RHCG: variants seen among roughly 807,000 people sequenced by gnomAD.
RHCG encodes the protein ammonium transporter Rh type C.
RHCG carries 39 observed loss-of-function variants against 55.3 expected under a neutral mutation model. The observed-to-expected ratio is 0.70, with a 90% confidence interval of 0.55 to 0.92. The LOEUF is 0.92. RHCG is among the 40% of genes least tolerant of loss of function. The probability of loss-of-function intolerance (pLI) is 0.00; values close to 1 mark genes in which losing one functional copy is unlikely to be tolerated. For synonymous variants in RHCG, 250 were observed against 246.8 expected, an observed-to-expected ratio of 1.01 and a Z score of -0.12; for missense variants, 635 against 627.9, an observed-to-expected ratio of 1.01 and a Z score of -0.12.
At position 89,477,528 on chromosome 15, in the gene RHCG, A is replaced by G; in HGVS notation, c.1101T>C (p.Tyr367=). The change falls in exon 7 of 11, where the codon TAT becomes TAC. Residue 367 remains tyrosine (Y), a synonymous_variant. Transcript: ENST00000268122. This position sits in a 1 kb window ranked among gnomAD's most constrained non-coding sequence, Gnocchi z 4.5. ...TCCTCCACATTTACCCTTCTTTTCC[A>G]TAGACTTCAAGGCTGGCGGAGGCCG... ...VTAASASLEV[Y]GKEGLVHSFD... 1 of 1,614,064 alleles carries G rather than the reference A, an allele frequency of 6.2e-7. No homozygotes were observed. The highest frequency in any genetic ancestry group is 8.5e-7 in the Non-Finnish European group (1 of 1,180,012).
At position 89,477,515 on chromosome 15, in the gene RHCG, A is replaced by G; in HGVS notation, c.1112+2T>C. 2 of 1,613,868 alleles carry G rather than the reference A, an allele frequency of 1.2e-6. No homozygotes were observed. Among genetic ancestry groups the G allele is most frequent in the Non-Finnish European group, 1.7e-6 (2 of 1,179,942 alleles). On this transcript the variant is annotated splice_donor_variant, in intron 7 of 10. Coordinates refer to ENST00000268122, the MANE Select transcript of RHCG (RefSeq NM_016321.3). LOFTEE classifies it high-confidence loss of function. This position sits in a 1 kb window ranked among gnomAD's most constrained non-coding sequence, Gnocchi z 4.5. ...ATCCCACCGCACCTCCTCCACATTTACCCTTCTTTTCCATAGACTTCAAGG... is the reference window on the plus strand; with the variant it reads ...ATCCCACCGCACCTCCTCCACATTTGCCCTTCTTTTCCATAGACTTCAAGG...
Position 89,475,032 on chromosome 15 carries a change from G to GCCTT in RHCG, c.1311+1719_1311+1722dup, listed in dbSNP as rs145149182. ...TGCCCGCCTTCCTTCCTTCCTGCCC[G>GCCTT]CCTTCCTTCCTGCCCGCCTTCCTTC... On this transcript the variant is annotated intron_variant, in intron 9 of 10. Coordinates refer to ENST00000268122, the MANE Select transcript of RHCG (RefSeq NM_016321.3). Among the ~76,000 whole-genome samples the GCCTT allele has an allele frequency of 2.1e-3, 168 of 80,508 alleles. 39 individuals carry two copies. Among genetic ancestry groups the GCCTT allele is most frequent in the African/African-American group, 0.012 (138 of 11,334 alleles). 52.8% of individuals were successfully genotyped at this position (80,508 alleles called of 152,430 possible). A position where few individuals can be genotyped will look rare whatever the true frequency, so the allele number is the denominator to read the frequency against.
chr15:89,496,449 G>T lies in RHCG; in HGVS notation c.96C>A (p.Tyr32Ter). The change falls in exon 1 of 11, where the codon TAC becomes TAA. Residue 32 changes from tyrosine (Y) to a stop codon, truncating the protein, a stop_gained. Transcript: ENST00000268122. LOFTEE classifies it high-confidence loss of function. The stretch of plus-strand genomic sequence containing the variant: ...ACCAGTGGGCGTCGGCCTCGAAGTC[G>T]TAGCGCACGAACACCCCGAAGAGAA... ...MVILFGVFVR[Y>*]DFEADAHWWS... 6.2e-7 allele frequency: 1 copy of T among 1,614,028 alleles called. No homozygotes were observed. Among genetic ancestry groups the T allele is most frequent in the Non-Finnish European group, 8.5e-7 (1 of 1,179,960 alleles).
rs761108230 is a variant in RHCG, at chr15:89,479,318, T to A, written c.837+4A>T. The A allele has an allele frequency of 6.2e-7, 1 of 1,612,028 alleles. No individual in the cohort carries two copies. Among genetic ancestry groups the A allele is most frequent in the South Asian group, 1.1e-5 (1 of 90,830 alleles). On this transcript the variant is annotated splice_donor_region_variant and intron_variant, in intron 5 of 10. Transcript: ENST00000268122. ...AGCCACACCCCCAACGCCCTCATGCTCACCATGTCCAGCTTGCCCTTCTTG... is the reference window on the plus strand; with the variant it reads ...AGCCACACCCCCAACGCCCTCATGCACACCATGTCCAGCTTGCCCTTCTTG...
Position 89,475,194 on chromosome 15 carries a change from CTTCCTTCT to C in RHCG, c.1311+1553_1311+1560del, listed in dbSNP as rs1961124925. Among the ~76,000 whole-genome samples, 8 of 98,942 alleles carry C rather than the reference CTTCCTTCT, an allele frequency of 8.1e-5. 1 individual carries two copies. Among genetic ancestry groups the C allele is most frequent in the Admixed American group, 2.0e-4 (2 of 9,840 alleles). The allele number at this position is 98,942 out of a possible 152,430, so 64.9% of individuals were successfully genotyped here. ...CCTGCCTTCCTGCCTGCCTGCCTTC[CTTCCTTCT>C]TTCCTTCCTTCCTTCCTTTTTCCTT... On this transcript the variant is annotated intron_variant, in intron 9 of 10. Transcript: ENST00000268122.
intron 1 of RHCG, among the ~76,000 whole-genome samples, chr15:89,489,324 A>C (rs902586919): frequency 1.3e-5 from 2 of 151,646 alleles, no homozygotes; most frequent in African/African-American, 4.9e-5. Flanking sequence ...GGATTTTGCT[A>C]TGTGGGCCAG....
At chr15:89,486,404 G>A (rs895092258) in intron 2 of RHCG, 7 of 456,608 alleles carry the variant, frequency 1.5e-5, no homozygotes, top group African/African-American at 1.0e-4. Flanking sequence ...CGATTTTGAT[G>A]TGCCGGGCCC....
intron 1 of RHCG, among the ~76,000 whole-genome samples, chr15:89,492,108 C>A (rs768065147): frequency 5.3e-5 from 8 of 152,232 alleles, no homozygotes; most frequent in Non-Finnish European, 8.8e-5. Context: ...TCTCCCTCCC[C>A]AGCTTTGGTG....
intron 10 of RHCG, among the ~76,000 whole-genome samples, chr15:89,472,177 T>C (rs547437354): frequency 6.6e-6 from 1 of 152,330 alleles, no homozygotes; most frequent in South Asian, 2.1e-4. Context: ...TGCTCATCTA[T>C]TAAAATGAGG....
At chr15:89,479,195 A>G in intron 5 of RHCG, 127 bp downstream of exon 5, 4 of 933,384 alleles carry the variant, frequency 4.3e-6, no homozygotes, top group Non-Finnish European at 6.1e-6. Context: ...AAAACAAATC[A>G]TTTCTCCCCC....
chr15:89,496,348 C>A lies in RHCG; in HGVS notation c.184+13G>T, dbSNP rs1265219825. On this transcript the variant is annotated intron_variant, in intron 1 of 10. Transcript: ENST00000268122. ...GATATGCCTCCGCTGGGCCTGCAGG[C>A]GGCGAGACTTACTTGGGTAGCGATA... The A allele has an allele frequency of 6.2e-7, 1 of 1,613,130 alleles. No homozygotes were observed. The highest frequency in any genetic ancestry group is 1.1e-5 in the South Asian group (1 of 91,064).
At chr15:89,473,639 A>G (rs937830034) in intron 9 of RHCG, among the ~76,000 whole-genome samples, 35 of 152,218 alleles carry the variant, frequency 2.3e-4, no homozygotes, top group African/African-American at 8.4e-4. Flanking sequence ...AAAATAATAA[A>G]AACAAAAAAC....
intron 1 of RHCG, among the ~76,000 whole-genome samples, chr15:89,494,467 A>G (rs1411574462): frequency 6.6e-6 from 1 of 152,078 alleles, no homozygotes; most frequent in Non-Finnish European, 1.5e-5. Flanking sequence ...TGATCACACT[A>G]CAGATAAGCA....
intron 1 of RHCG, among the ~76,000 whole-genome samples, chr15:89,494,818 G>T (rs779868924): frequency 1.3e-5 from 2 of 152,050 alleles, no homozygotes; most frequent in Non-Finnish European, 2.9e-5. Context: ...CCTATTTAAG[G>T]TCTTGAGGTC....
intron 1 of RHCG, among the ~76,000 whole-genome samples, chr15:89,488,780 G>A (rs995999885): frequency 2.9e-4 from 44 of 151,798 alleles, no homozygotes; most frequent in Middle Eastern, 3.4e-3. Context: ...GAATGGGGGG[G>A]GGGGAGTGCT....
chr15:89,471,670 C>T lies in RHCG; in HGVS notation c.*210G>A, dbSNP rs1254866973. On this transcript the variant is annotated 3_prime_UTR_variant, in exon 11 of 11. Coordinates refer to ENST00000268122, the MANE Select transcript of RHCG (RefSeq NM_016321.3). ...AGGCAGAACTTCTGCAGCCAGAACCCGGCTTGGATGCCCACTTTGTAGCTT... is the reference window on the plus strand; with the variant it reads ...AGGCAGAACTTCTGCAGCCAGAACCTGGCTTGGATGCCCACTTTGTAGCTT... 6 of 152,992 alleles carry T rather than the reference C, an allele frequency of 3.9e-5. No homozygotes were observed. The highest frequency in any genetic ancestry group is 2.1e-4 in the South Asian group (1 of 4,828). The allele number at this position is 152,992 out of a possible 1,614,324, so 9.5% of individuals were successfully genotyped here.
intron 5 of RHCG, among the ~76,000 whole-genome samples, chr15:89,478,873 C>T (rs184598610): frequency 1.5e-4 from 23 of 152,240 alleles, no homozygotes; most frequent in African/African-American, 5.5e-4. Context: ...GGTGGATCAC[C>T]TGAGGTCAGG....
rs1235311147 is a variant in RHCG, at chr15:89,472,770, G to A, written c.1405C>T (p.Leu469=). The change falls in exon 10 of 11, where the codon CTA becomes TTA. Residue 469 remains leucine (L), a synonymous_variant. Coordinates refer to ENST00000268122, the MANE Select transcript of RHCG (RefSeq NM_016321.3). ...AAGGGTACCGAGGAAGCCATGGGTA[G>A]TGGGGACACCATGGGTACTGAGGGT... ...SVPSVPMVSP[L]PMASSVPLVP The A allele has an allele frequency of 6.3e-7, 1 of 1,588,752 alleles. No homozygotes were observed. Among genetic ancestry groups the A allele is most frequent in the East Asian group, 2.3e-5 (1 of 43,030 alleles).
chr15:89,495,391 G>A (rs934539940), intron 1 of RHCG, among the ~76,000 whole-genome samples: 1 of 152,180 alleles, frequency 6.6e-6, no homozygotes, highest in Non-Finnish European at 1.5e-5. Context: ...AGGGGCTTTA[G>A]GGTCCCTTTC....
Sources: allele counts gnomAD v4.1 joint callset (sites outside exome capture counted in the v4.1 genomes callset), GRCh38; gene constraint gnomAD v4.1.1; non-coding constraint Gnocchi (gnomAD v3.1); transcripts MANE v1.5; gene names NCBI Gene and HGNC (gene_info 2026-07-23, HGNC 2026-07-21).